SHROOM4: variants seen among roughly 807,000 people sequenced by gnomAD.
SHROOM4 encodes the protein protein Shroom4.
A neutral mutation model predicts 80.3 loss-of-function variants in SHROOM4; 17 were observed. That is an observed-to-expected ratio of 0.21 (90% CI 0.14 to 0.32). SHROOM4 has a LOEUF of 0.32. SHROOM4 is among the 10% of genes least tolerant of loss of function. The probability of loss-of-function intolerance (pLI) is 1.00; values close to 1 mark genes in which losing one functional copy is unlikely to be tolerated. For missense variants in SHROOM4, 993 were observed against 1,140.3 expected (o/e 0.87, Z 1.86); for synonymous variants, 400 against 437.5 (o/e 0.91, Z 1.07).
intron 2 of SHROOM4, among the ~76,000 whole-genome samples, chrX:50,682,336 A>G (rs1274739950): frequency 9.0e-6 from 1 of 111,696 alleles, no homozygotes; most frequent in African/African-American, 3.3e-5. Flanking sequence ...ATGCCTGACA[A>G]CCCAATACCC....
At chrX:50,745,243 T>C (rs1934749127) in intron 1 of SHROOM4, among the ~76,000 whole-genome samples, 2 of 110,961 alleles carry the variant, frequency 1.8e-5, no homozygotes, top group Non-Finnish European at 3.8e-5. Context: ...AATTCTCTAA[T>C]ATTCACTACT....
chrX:50,721,167 G>C (rs1215318039), intron 1 of SHROOM4, among the ~76,000 whole-genome samples: 1 of 111,817 alleles, frequency 8.9e-6, no homozygotes, highest in Non-Finnish European at 1.9e-5. Flanking sequence ...GCCTAGCTCA[G>C]AAACTACTGA....
In SHROOM4 at chrX:50,634,709, T is replaced by C. The variant is rs1931251357; in HGVS notation, c.1364A>G (p.Lys455Arg). 8.3e-7 allele frequency: 1 copy of C among 1,209,938 alleles called. No individual in the cohort carries two copies. The highest frequency in any genetic ancestry group is 1.1e-6 in the Non-Finnish European group (1 of 895,284). ...WTLSPLHSSH[K>R]GKKSPCPPTG... ...AGGGGGGCATGGACTTTTCTTCCCT[T>C]TGTGGCTGCTGTGCAAAGGGGACAG... The change falls in exon 4 of 9, where the codon AAA becomes AGA. Residue 455 changes from lysine to arginine, a missense_variant. Lys to Arg is a conservative substitution (Grantham distance 26). Coordinates refer to ENST00000376020, the MANE Select transcript of SHROOM4 (RefSeq NM_020717.5).
Position 50,607,538 on chromosome X carries a change from G to T in SHROOM4, c.3604C>A (p.Pro1202Thr). 1 of 1,211,290 alleles carries T rather than the reference G, an allele frequency of 8.3e-7. No homozygotes were observed. Among genetic ancestry groups the T allele is most frequent in the Non-Finnish European group, 1.1e-6 (1 of 895,389 alleles). The change falls in exon 6 of 9, where the codon CCA becomes ACA. Residue 1202 changes from proline (P) to threonine (T), a missense_variant. Pro to Thr is a conservative substitution (Grantham distance 38). Coordinates refer to ENST00000376020, the MANE Select transcript of SHROOM4 (RefSeq NM_020717.5). Reference protein sequence around the residue: ...EGSRQGSQSVPAEQESFALHS... With the variant: ...EGSRQGSQSVTAEQESFALHS... ...AGTGCAAAGGATTCTTGCTCTGCTG[G>T]GACACTTTGTGAACCCTGTCTCGAG...
rs1165592190 is a variant in SHROOM4, at chrX:50,598,296, G to A, written c.4182C>T (p.Asn1394=). The A allele has an allele frequency of 3.3e-6, 4 of 1,209,345 alleles. No individual in the cohort carries two copies. Among genetic ancestry groups the A allele is most frequent in the Admixed American group, 2.2e-5 (1 of 45,570 alleles). The change falls in exon 8 of 9, where the codon AAC becomes AAT. Residue 1394 remains asparagine, a synonymous_variant. Transcript: ENST00000376020. ...GRLARVENAL[N]SIDSEANQEK... is the part of the protein sequence containing the mutation. ...CCTGGTTGGCCTCTGAATCGATGCT[G>A]TTCAGAGCATTCTCCACCCGGGCCA...
rs2147192990 is a variant in SHROOM4, at chrX:50,589,899, T to C, written c.*6796A>G. Among the ~76,000 whole-genome samples, 1 of 112,443 alleles carries C rather than the reference T, an allele frequency of 8.9e-6. No homozygotes were observed. The highest frequency in any genetic ancestry group is 2.8e-4 in the East Asian group (1 of 3,574). On this transcript the variant is annotated 3_prime_UTR_variant, in exon 9 of 9. Coordinates refer to ENST00000376020, the MANE Select transcript of SHROOM4 (RefSeq NM_020717.5). The stretch of plus-strand genomic sequence containing the variant: ...CATCAATTTACATCCCCATCAGCAA[T>C]GTATGAGTGTTCCAATTTCTTCATT...
At chrX:50,712,587 A>G (rs1381632824) in intron 1 of SHROOM4, among the ~76,000 whole-genome samples, 2 of 111,798 alleles carry the variant, frequency 1.8e-5, no homozygotes, top group Non-Finnish European at 1.9e-5. Flanking sequence ...AATTAAAAAT[A>G]GAAACTTTCT....
chrX:50,675,900 G>T (rs1395118546), intron 2 of SHROOM4, among the ~76,000 whole-genome samples: 8 of 111,596 alleles, frequency 7.2e-5, no homozygotes, highest in Non-Finnish European at 1.3e-4. Flanking sequence ...TGAAAAGGCT[G>T]CCATTTCTCA....
At chrX:50,699,992 A>G (rs7051751) in intron 1 of SHROOM4, among the ~76,000 whole-genome samples, 6,103 of 111,903 alleles carry the variant, frequency 0.055, 445 homozygotes, top group African/African-American at 0.19. Context: ...ACCTATTACA[A>G]TAGTGTAAGA....
intron 6 of SHROOM4, among the ~76,000 whole-genome samples, chrX:50,605,062 C>A (rs782227551): frequency 1.1e-4 from 12 of 111,678 alleles, no homozygotes; most frequent in Non-Finnish European, 2.1e-4. Flanking sequence ...ATGTCCCTTA[C>A]AAAATCTTAA....
intron 4 of SHROOM4, among the ~76,000 whole-genome samples, chrX:50,631,215 G>T (rs1214554858): frequency 5.4e-5 from 6 of 111,332 alleles, no homozygotes; most frequent in Non-Finnish European, 1.1e-4. Context: ...ATTTATCCTG[G>T]CAATGCTAGG....
chrX:50,612,767 G>T (rs957518684), intron 5 of SHROOM4, among the ~76,000 whole-genome samples: 15 of 110,897 alleles, frequency 1.4e-4, no homozygotes, highest in African/African-American at 4.9e-4. Flanking sequence ...ATAAATCAAA[G>T]GATAAAAGGC....
intron 5 of SHROOM4, among the ~76,000 whole-genome samples, chrX:50,626,088 G>A (rs1930790126): frequency 9.0e-6 from 1 of 111,632 alleles, no homozygotes; most frequent in African/African-American, 3.3e-5. Context: ...GAGAGAGAGG[G>A]AGTGAGGCAG....
chrX:50,772,277 T>C, intron 1 of SHROOM4, among the ~76,000 whole-genome samples: 1 of 111,627 alleles, frequency 9.0e-6, no homozygotes, highest in South Asian at 3.8e-4. Context: ...TAGCTAACAT[T>C]TACTGAGCAG....
rs782558530 is a variant in SHROOM4, at chrX:50,597,889, A to G, written c.4212+377T>C. Among the ~76,000 whole-genome samples, 3 of 111,156 alleles carry G rather than the reference A, an allele frequency of 2.7e-5. No individual in the cohort carries two copies. In the South Asian group the frequency reaches 1.2e-3, roughly 43 times the overall value. ...GGTCTTGCTCTGTCACCCAGGCTGG[A>G]GTGCAGTGGCACAATCTTTGCTCAC... On this transcript the variant is annotated intron_variant, in intron 8 of 8. Transcript: ENST00000376020.
chrX:50,719,133 C>T (rs1248223861), intron 1 of SHROOM4, among the ~76,000 whole-genome samples: 3 of 111,994 alleles, frequency 2.7e-5, no homozygotes, highest in Non-Finnish European at 5.6e-5. Flanking sequence ...CTCATTTGTT[C>T]TCTTAACAAT....
intron 1 of SHROOM4, among the ~76,000 whole-genome samples, chrX:50,736,856 C>A (rs782693010): frequency 6.5e-4 from 73 of 111,805 alleles, no homozygotes; most frequent in African/African-American, 2.3e-3. Context: ...TTTACATTCC[C>A]GCCAACAGTA....
At chrX:50,807,108 C>T (rs1936240733) in intron 1 of SHROOM4, among the ~76,000 whole-genome samples, 1 of 112,362 alleles carries the variant, frequency 8.9e-6, no homozygotes, top group East Asian at 2.8e-4. Context: ...ACACTCTCTT[C>T]CTCAGACCCC....
chrX:50,758,983 T>C (rs1935094177), intron 1 of SHROOM4, among the ~76,000 whole-genome samples: 1 of 111,846 alleles, frequency 8.9e-6, no homozygotes, highest in Non-Finnish European at 1.9e-5. Context: ...TTAATTAATT[T>C]TTCTGTAAGT....
Sources: allele counts gnomAD v4.1 joint callset (sites outside exome capture counted in the v4.1 genomes callset), GRCh38; gene constraint gnomAD v4.1.1; transcripts MANE v1.5; gene names NCBI Gene and HGNC (gene_info 2026-07-23, HGNC 2026-07-21).